Variants in PTPRT observed in about 807,000 individuals in gnomAD.
The protein encoded by PTPRT is protein tyrosine phosphatase receptor type T.
Under a neutral mutation model 176.8 loss-of-function variants are expected in PTPRT, and 56 were observed. The observed-to-expected ratio is 0.32, with a 90% CI of 0.26 to 0.40. PTPRT has a LOEUF of 0.40. Ranked by LOEUF, PTPRT falls within the 10% of genes least tolerant of loss-of-function variation. The probability of loss-of-function intolerance (pLI) is 1.00; values close to 1 mark genes in which losing one functional copy is unlikely to be tolerated. For synonymous variants in PTPRT, 783 were observed against 739.0 expected (o/e 1.06, Z -0.96); for missense variants, 1,540 against 1,908.2 (o/e 0.81, Z 3.60).
At chr20:42,168,416 T>A (rs1429479492) in intron 16 of PTPRT, among the ~76,000 whole-genome samples, 2 of 152,112 alleles carry the variant, frequency 1.3e-5, no homozygotes, top group Non-Finnish European at 2.9e-5. Context: ...CTGGAAGAAA[T>A]CTCAAGGTGG....
chr20:42,756,330 G>A, intron 6 of PTPRT, 132 bp downstream of exon 6: 5 of 970,988 alleles, frequency 5.1e-6, no homozygotes, highest in Non-Finnish European at 7.1e-6. Flanking sequence ...TGGGGAGGGA[G>A]GCCAGAGTGA....
chr20:42,774,776 C>T (rs1489256431), intron 4 of PTPRT, among the ~76,000 whole-genome samples: 2 of 152,176 alleles, frequency 1.3e-5, no homozygotes, highest in African/African-American at 4.8e-5. Flanking sequence ...TCTAGGCTAC[C>T]CTCTTCTTGC....
chr20:42,321,027 C>A (rs1039372952), intron 11 of PTPRT, among the ~76,000 whole-genome samples: 28 of 152,196 alleles, frequency 1.8e-4, no homozygotes, highest in African/African-American at 6.5e-4. Flanking sequence ...GTGGCTCTGA[C>A]AGGGCAGCTT....
chr20:42,472,440 A>G lies in PTPRT; in HGVS notation c.1276T>C (p.Tyr426His). 6.2e-7 allele frequency: 1 copy of G among 1,614,230 alleles called. No individual in the cohort carries two copies. The highest frequency in any genetic ancestry group is 8.5e-7 in the Non-Finnish European group (1 of 1,180,044). Residue 426 changes from tyrosine (Y) to histidine (H), a missense_variant, in exon 8 of 31, where the codon TAC becomes CAC. This residue lies in a region of PTPRT where 79 missense variants were observed against 80.0 expected (regional missense o/e 0.99). Coordinates refer to ENST00000373187, the MANE Select transcript of PTPRT (RefSeq NM_007050.6). ...RCHSYNLTVQ[Y>H]QYVFNQQQYE... The stretch of plus-strand genomic sequence containing the variant: ...TGCTGCTGGTTGAACACATACTGGT[A>G]CTGCACGGTGAGGTTGTAGCTATGG...
At chr20:42,794,274 T>C (rs1241848083) in intron 2 of PTPRT, among the ~76,000 whole-genome samples, 2 of 152,136 alleles carry the variant, frequency 1.3e-5, no homozygotes, top group African/African-American at 4.8e-5. Context: ...GTGTGCCACT[T>C]TCCAGGCCTG....
At chr20:42,629,992 A>G (rs2074373645) in intron 7 of PTPRT, among the ~76,000 whole-genome samples, 1 of 152,220 alleles carries the variant, frequency 6.6e-6, no homozygotes, top group Non-Finnish European at 1.5e-5. Flanking sequence ...ACCTGTGAAT[A>G]TGTTACCTTA....
chr20:43,040,384 T>G (rs927708703), intron 1 of PTPRT, among the ~76,000 whole-genome samples: 1 of 152,220 alleles, frequency 6.6e-6, no homozygotes, highest in African/African-American at 2.4e-5. Context: ...GCCAATATGG[T>G]TGCCAACAGA....
intron 29 of PTPRT, among the ~76,000 whole-genome samples, chr20:42,084,417 A>G (rs1354504213): frequency 6.6e-6 from 1 of 152,224 alleles, no homozygotes; most frequent in Non-Finnish European, 1.5e-5. Flanking sequence ...GTAGAGAAGC[A>G]GGCAACCTCC....
intron 1 of PTPRT, among the ~76,000 whole-genome samples, chr20:43,186,087 C>T (rs562965372): frequency 3.3e-5 from 5 of 152,298 alleles, no homozygotes; most frequent in African/African-American, 1.2e-4. Context: ...GGACAAAGTG[C>T]CTATTATGTA....
At chr20:43,016,318 T>C (rs1459702454) in intron 1 of PTPRT, among the ~76,000 whole-genome samples, 1 of 152,184 alleles carries the variant, frequency 6.6e-6, no homozygotes, top group East Asian at 1.9e-4. Context: ...AGGCTCTGGC[T>C]TATAACAGAT....
rs542140572 is a variant in PTPRT, at chr20:42,645,237, T to A, written c.1153+32629A>T. The stretch of plus-strand genomic sequence containing the variant: ...AGCCTGCTTTTTGAGTCTCCCTGAA[T>A]GGAGGGGAAGGGGCTCTCCCTGAGG... On this transcript the variant is annotated intron_variant, in intron 7 of 30. Coordinates refer to ENST00000373187, the MANE Select transcript of PTPRT (RefSeq NM_007050.6). Among the ~76,000 whole-genome samples, 4 of 152,200 alleles carry A rather than the reference T, an allele frequency of 2.6e-5. No homozygotes were observed. In the South Asian group the frequency reaches 6.2e-4, roughly 24 times the overall value.
At chr20:42,626,101 G>A (rs2074284805) in intron 7 of PTPRT, among the ~76,000 whole-genome samples, 1 of 151,898 alleles carries the variant, frequency 6.6e-6, no homozygotes, top group South Asian at 2.1e-4. Flanking sequence ...TGTTTTCAGT[G>A]ACCGTATTTT....
intron 15 of PTPRT, among the ~76,000 whole-genome samples, chr20:42,218,804 G>C (rs1041021136): frequency 6.6e-6 from 1 of 152,156 alleles, no homozygotes; most frequent in Non-Finnish European, 1.5e-5. Context: ...ACCCTGGCCC[G>C]GCTGTGTGGG....
chr20:42,886,965 G>T (rs1487868766), intron 1 of PTPRT, among the ~76,000 whole-genome samples: 1 of 152,148 alleles, frequency 6.6e-6, no homozygotes, highest in Non-Finnish European at 1.5e-5. Context: ...GGCAGAACTG[G>T]GACTGAGTTC....
At chr20:42,550,116 T>C (rs1156397724) in intron 7 of PTPRT, among the ~76,000 whole-genome samples, 3 of 152,150 alleles carry the variant, frequency 2.0e-5, no homozygotes, top group Non-Finnish European at 4.4e-5. Context: ...TTGTCTTCTG[T>C]ACGCCCCTTG....
At chr20:42,737,418 G>A (rs958277315) in intron 6 of PTPRT, among the ~76,000 whole-genome samples, 1 of 152,070 alleles carries the variant, frequency 6.6e-6, no homozygotes, top group South Asian at 2.1e-4. Context: ...ATCACCTGAC[G>A]TCAGGAGTCC....
intron 1 of PTPRT, among the ~76,000 whole-genome samples, chr20:42,983,888 A>G (rs747194157): frequency 6.6e-6 from 1 of 152,076 alleles, no homozygotes; most frequent in Non-Finnish European, 1.5e-5. Flanking sequence ...TCCATCTCCC[A>G]TGGGTCCCAA....
chr20:42,387,792 CT>C (rs773081937), intron 9 of PTPRT, among the ~76,000 whole-genome samples: 9,453 of 135,766 alleles, frequency 0.07, 310 homozygotes, highest in African/African-American at 0.12. Context: ...TGCTAATATT[CT>C]TTTTTTTTTT....
At chr20:42,862,142 G>T (rs1427939554) in intron 2 of PTPRT, among the ~76,000 whole-genome samples, 3 of 152,018 alleles carry the variant, frequency 2.0e-5, no homozygotes, top group African/African-American at 7.3e-5. Flanking sequence ...TGAAGATCTG[G>T]TGTATTTTGC....
Sources: allele counts gnomAD v4.1 joint callset (sites outside exome capture counted in the v4.1 genomes callset), GRCh38; gene constraint gnomAD v4.1.1; regional missense constraint gnomAD v4.1.1; transcripts MANE v1.5; gene names NCBI Gene and HGNC (gene_info 2026-07-23, HGNC 2026-07-21).